The following C12orf42 variants were observed in gnomAD, a reference collection of about 807,000 sequenced individuals.
C12orf42 encodes the protein chromosome 12 open reading frame 42, also known as uncharacterized protein C12orf42.
In C12orf42, 25 loss-of-function variants were observed where a neutral mutation model predicts 21.6. The ratio of observed to expected loss-of-function variants is 1.16; its 90% CI spans 0.84 to 1.62. C12orf42 has a LOEUF of 1.62. Among genes scored for constraint, C12orf42 ranks in the 40% most tolerant of loss-of-function variants. C12orf42 has a pLI of 0.00. For missense variants in C12orf42, 483 were observed against 459.3 expected (o/e 1.05, Z -0.47); for synonymous variants, 174 against 175.0 (o/e 0.99, Z 0.05).
the C12orf42 span, among the ~76,000 whole-genome samples, chr12:103,145,775 G>A: frequency 6.6e-6 from 1 of 152,246 alleles, no homozygotes; most frequent in Non-Finnish European, 1.5e-5. Context: ...TCAAAATGAT[G>A]AAATACTTTG....
intron 10 of C12orf42, among the ~76,000 whole-genome samples, chr12:103,244,777 A>T (rs761158315): frequency 4.0e-5 from 6 of 151,858 alleles, no homozygotes; most frequent in Admixed American, 2.0e-4. Flanking sequence ...CTGAGCCCCT[A>T]TCTTGTCATT....
At chr12:103,190,291 C>A in the C12orf42 span, among the ~76,000 whole-genome samples, 1 of 152,136 alleles carries the variant, frequency 6.6e-6, no homozygotes, top group African/African-American at 2.4e-5. Flanking sequence ...TGCTTATCCC[C>A]CTTCTTCTGC....
At chr12:103,344,231 T>C (rs1445357244) in intron 4 of C12orf42, among the ~76,000 whole-genome samples, 2 of 152,210 alleles carry the variant, frequency 1.3e-5, no homozygotes, top group Admixed American at 1.3e-4. Flanking sequence ...CCTCACCTCA[T>C]TGGCAAAGAT....
At chr12:103,145,863 A>C in the C12orf42 span, among the ~76,000 whole-genome samples, 3 of 152,156 alleles carry the variant, frequency 2.0e-5, no homozygotes, top group Non-Finnish European at 4.4e-5. Context: ...CAGAAAAAAA[A>C]CAGAGTCCAA....
At chr12:103,178,596 C>T in the C12orf42 span, 2 of 152,190 alleles carry the variant, frequency 1.3e-5, no homozygotes, top group African/African-American at 4.8e-5. Context: ...GACTTTCTGT[C>T]CATTCAGCCA....
At chr12:103,242,498 C>T (rs901112005) in intron 10 of C12orf42, among the ~76,000 whole-genome samples, 1 of 151,174 alleles carries the variant, frequency 6.6e-6, no homozygotes, top group Admixed American at 6.6e-5. Context: ...ATACTTCACC[C>T]TGTCTTTTTA....
chr12:103,522,587 G>A, the C12orf42 span, among the ~76,000 whole-genome samples: 1 of 152,048 alleles, frequency 6.6e-6, no homozygotes, highest in East Asian at 1.9e-4. Flanking sequence ...GGCACTCCTC[G>A]ACCATTGGGA....
chr12:103,481,399 G>A (rs1409290258), intron 1 of C12orf42, among the ~76,000 whole-genome samples: 1 of 151,860 alleles, frequency 6.6e-6, no homozygotes, highest in Non-Finnish European at 1.5e-5. Context: ...AAATGATCAA[G>A]AGTCTGTCAC....
chr12:103,551,421 AC>A, the C12orf42 span, among the ~76,000 whole-genome samples: 1 of 152,178 alleles, frequency 6.6e-6, no homozygotes, highest in Non-Finnish European at 1.5e-5. Context: ...GAAGGCTGAG[AC>A]AGTAGAACTG....
At chr12:103,397,403 T>C (rs2047626312) in intron 3 of C12orf42, among the ~76,000 whole-genome samples, 1 of 152,174 alleles carries the variant, frequency 6.6e-6, no homozygotes. Flanking sequence ...GCAAGCATTA[T>C]CACCTGATCT....
chr12:103,361,992 C>T (rs2044158436), intron 4 of C12orf42, among the ~76,000 whole-genome samples: 1 of 152,154 alleles, frequency 6.6e-6, no homozygotes, highest in Non-Finnish European at 1.5e-5. Flanking sequence ...CTGATCCTCA[C>T]TATACTACCA....
At chr12:103,206,691 G>A in the C12orf42 span, among the ~76,000 whole-genome samples, 15 of 152,230 alleles carry the variant, frequency 9.9e-5, no homozygotes, top group Non-Finnish European at 1.3e-4. Flanking sequence ...TAAATAAAGT[G>A]TAAGTCATAT....
At chr12:103,230,833 T>A in the C12orf42 span, among the ~76,000 whole-genome samples, 1 of 152,166 alleles carries the variant, frequency 6.6e-6, no homozygotes, top group Non-Finnish European at 1.5e-5. Flanking sequence ...ACATAATTTT[T>A]AAAAATTTCT....
the C12orf42 span, among the ~76,000 whole-genome samples, chr12:103,526,578 C>T: frequency 6.6e-6 from 1 of 152,162 alleles, no homozygotes; most frequent in Non-Finnish European, 1.5e-5. Context: ...TTTCCCAATA[C>T]TATGGACTGA....
At chr12:103,522,843 G>C in the C12orf42 span, among the ~76,000 whole-genome samples, 1 of 152,198 alleles carries the variant, frequency 6.6e-6, no homozygotes, top group Non-Finnish European at 1.5e-5. Context: ...GTCCACAATG[G>C]TTTTGATGGC....
chr12:103,461,763 C>T (rs1006838604), intron 2 of C12orf42, among the ~76,000 whole-genome samples: 30 of 152,172 alleles, frequency 2.0e-4, no homozygotes, highest in East Asian at 1.4e-3. Flanking sequence ...ATCAAGTATC[C>T]GATACATTGC....
At chr12:103,380,662 A>C (rs1046899504) in intron 3 of C12orf42, among the ~76,000 whole-genome samples, 2 of 152,228 alleles carry the variant, frequency 1.3e-5, no homozygotes, top group African/African-American at 4.8e-5. Context: ...CTCTTGAAAG[A>C]GAAAAATAGC....
At chr12:103,424,345 G>C (rs1222353607) in intron 2 of C12orf42, among the ~76,000 whole-genome samples, 4 of 152,246 alleles carry the variant, frequency 2.6e-5, no homozygotes, top group African/African-American at 9.6e-5. Context: ...CAGCTAATAA[G>C]AAAATTACTG....
At chr12:103,073,831 T>G in the C12orf42 span, among the ~76,000 whole-genome samples, 29 of 152,218 alleles carry the variant, frequency 1.9e-4, no homozygotes, top group African/African-American at 2.4e-5. Context: ...GACATCAGAG[T>G]GTATCACTAG....
Sources: allele counts gnomAD v4.1 joint callset (sites outside exome capture counted in the v4.1 genomes callset), GRCh38; gene constraint gnomAD v4.1.1; transcripts MANE v1.5; gene names NCBI Gene and HGNC (gene_info 2026-07-23, HGNC 2026-07-21).